The following PDE8A variants were observed in gnomAD, a reference collection of about 807,000 sequenced individuals.
PDE8A encodes high affinity cAMP-specific and IBMX-insensitive 3',5'-cyclic phosphodiesterase 8A.
PDE8A carries 59 observed loss-of-function variants against 105.0 expected under a neutral mutation model. The ratio of observed to expected loss-of-function variants is 0.56; its 90% CI spans 0.46 to 0.70. PDE8A has a LOEUF of 0.70. Among genes scored for constraint, PDE8A ranks in the 30% least tolerant of loss-of-function variants. The pLI is 0.00. For missense variants in PDE8A, 1,014 were observed against 1,045.9 expected (o/e 0.97, Z 0.42); for synonymous variants, 355 against 371.9 (o/e 0.95, Z 0.52).
intron 6 of PDE8A, among the ~76,000 whole-genome samples, chr15:85,087,952 C>A (rs983182364): frequency 6.6e-6 from 1 of 152,018 alleles, no homozygotes; most frequent in Non-Finnish European, 1.5e-5. Flanking sequence ...GTTATTTGAT[C>A]TTATTATTTT....
At chr15:85,104,360 T>C (rs549894905) in intron 11 of PDE8A, among the ~76,000 whole-genome samples, 2 of 152,020 alleles carry the variant, frequency 1.3e-5, no homozygotes, top group Non-Finnish European at 2.9e-5. Flanking sequence ...GCAGCACCCA[T>C]AAAGGCATCG....
chr15:85,016,176 G>C (rs910350624), intron 1 of PDE8A, among the ~76,000 whole-genome samples: 1 of 152,032 alleles, frequency 6.6e-6, no homozygotes, highest in African/African-American at 2.4e-5. Flanking sequence ...AAAATGACTT[G>C]TCATTGCAAA....
At chr15:84,998,837 C>T (rs1725799033) in intron 1 of PDE8A, among the ~76,000 whole-genome samples, 1 of 152,112 alleles carries the variant, frequency 6.6e-6, no homozygotes, top group African/African-American at 2.4e-5. Context: ...AGGGTTAAAA[C>T]CTGTGGGCCA....
At position 85,092,167 on chromosome 15, in the gene PDE8A, C is replaced by G. The variant is rs534933222; in HGVS notation, c.852+986C>G. Among the ~76,000 whole-genome samples, 11 of 152,178 alleles carry G rather than the reference C, an allele frequency of 7.2e-5. No individual in the cohort carries two copies. The South Asian group carries it at 2.3e-3, about 32-fold the overall frequency. On this transcript the variant is annotated intron_variant, in intron 8 of 21. Transcript: ENST00000394553. ...ACCATGAATGGGCCTGTTTTTCTTG[C>G]CTTTCCTATGCCTCTGAGCACACAA... is the stretch of plus-strand genomic sequence containing the variant.
Position 85,126,323 on chromosome 15 carries a change from G to A in PDE8A, c.2202G>A (p.Leu734=). 1 of 1,612,104 alleles carries A rather than the reference G, an allele frequency of 6.2e-7. No individual in the cohort carries two copies. Residue 734 remains leucine (L), a synonymous_variant, in exon 20 of 22, where the codon CTG becomes CTA. Transcript: ENST00000394553. Reference sequence around the variant, plus strand: ...ATGTGTCCAATCCCTGCCGACCCCTGCAGTACTGCATCGAGTGGGCTGCAC... The same window carrying A: ...ATGTGTCCAATCCCTGCCGACCCCTACAGTACTGCATCGAGTGGGCTGCAC... ...CADVSNPCRP[L]QYCIEWAARI...
chr15:85,081,744 G>C (rs527287469), intron 5 of PDE8A, among the ~76,000 whole-genome samples: 1 of 152,226 alleles, frequency 6.6e-6, no homozygotes, highest in Non-Finnish European at 1.5e-5. Flanking sequence ...GTTTAAACAC[G>C]CATAGCAAAA....
intron 1 of PDE8A, among the ~76,000 whole-genome samples, chr15:84,993,246 A>G (rs547757855): frequency 1.3e-5 from 2 of 151,878 alleles, no homozygotes; most frequent in African/African-American, 2.4e-5. Context: ...GATCAAGACC[A>G]TCCTGGCTAA....
At chr15:85,084,685 A>C (rs889164139) in intron 6 of PDE8A, among the ~76,000 whole-genome samples, 1 of 152,238 alleles carries the variant, frequency 6.6e-6, no homozygotes, top group African/African-American at 2.4e-5. Context: ...TAACTGACTT[A>C]CACCCAAGAT....
chr15:85,104,151 C>T lies in PDE8A; in HGVS notation c.1036+3953C>T, dbSNP rs140696731. Among the ~76,000 whole-genome samples the T allele has an allele frequency of 4.4e-3, 674 of 152,318 alleles. 5 individuals are homozygous for T. Among genetic ancestry groups the T allele is most frequent in the Middle Eastern group, 0.014 (4 of 294 alleles). On this transcript the variant is annotated intron_variant, in intron 11 of 21. Transcript: ENST00000394553. ...GTCTATTGACTTGTTCTAGGTCAGG[C>T]CCTGAGCCTGACTGTAAGCATACAG...
chr15:85,109,203 C>A, intron 12 of PDE8A, 73 bp downstream of exon 12: 2 of 998,290 alleles, frequency 2.0e-6, no homozygotes, highest in Non-Finnish European at 1.6e-6. Context: ...CCCTGCCTTG[C>A]CCAGGCTCAT....
At chr15:84,991,606 T>C (rs1371336063) in intron 1 of PDE8A, among the ~76,000 whole-genome samples, 2 of 152,220 alleles carry the variant, frequency 1.3e-5, no homozygotes, top group Non-Finnish European at 2.9e-5. Flanking sequence ...CTAGAAACTC[T>C]TATATATCTT....
At chr15:85,086,559 C>T (rs1001454651) in intron 6 of PDE8A, among the ~76,000 whole-genome samples, 1 of 151,892 alleles carries the variant, frequency 6.6e-6, no homozygotes, top group African/African-American at 2.4e-5. Context: ...TATTAATGGC[C>T]AATAAATGTG....
At chr15:85,040,447 A>T (rs1288143985) in intron 1 of PDE8A, among the ~76,000 whole-genome samples, 4 of 150,226 alleles carry the variant, frequency 2.7e-5, no homozygotes, top group African/African-American at 9.7e-5. Context: ...TTTATTTCTG[A>T]TTATGTACAC....
At chr15:85,070,554 T>C (rs2081296121) in intron 3 of PDE8A, among the ~76,000 whole-genome samples, 1 of 152,096 alleles carries the variant, frequency 6.6e-6, no homozygotes, top group South Asian at 2.1e-4. Flanking sequence ...TCTTAAAGGA[T>C]GAGCAGGAGT....
At chr15:85,087,524 TTAGTAG>T (rs2081574232) in intron 6 of PDE8A, among the ~76,000 whole-genome samples, 1 of 152,186 alleles carries the variant, frequency 6.6e-6, no homozygotes, top group Non-Finnish European at 1.5e-5. Flanking sequence ...TAGAGTTTAC[TTAGTAG>T]TATCTCTGCA....
At chr15:85,066,752 A>T (rs2081235693) in intron 2 of PDE8A, among the ~76,000 whole-genome samples, 2 of 152,124 alleles carry the variant, frequency 1.3e-5, no homozygotes, top group African/African-American at 4.8e-5. Context: ...CAGCCTGGCC[A>T]ACATGGCAAA....
At chr15:84,987,240 T>A (rs937142774) in intron 1 of PDE8A, among the ~76,000 whole-genome samples, 3 of 152,200 alleles carry the variant, frequency 2.0e-5, no homozygotes, top group Non-Finnish European at 4.4e-5. Flanking sequence ...ATAGCATATG[T>A]TTTTTAGTAC....
intron 1 of PDE8A, among the ~76,000 whole-genome samples, chr15:85,015,492 G>GT (rs948029183): frequency 6.6e-6 from 1 of 152,018 alleles, no homozygotes; most frequent in African/African-American, 2.4e-5. Context: ...CATCTTTTTT[G>GT]TTTTTTAATG....
intron 5 of PDE8A, among the ~76,000 whole-genome samples, chr15:85,077,754 AAT>A (rs765130791): frequency 6.6e-6 from 1 of 152,222 alleles, no homozygotes; most frequent in African/African-American, 2.4e-5. Flanking sequence ...TAGGTAAAGA[AAT>A]AAAAGATAAA....
Sources: gnomAD v4.1 joint callset for allele counts (sites outside exome capture counted in the v4.1 genomes callset) on GRCh38, gnomAD v4.1.1 for gene constraint, MANE v1.5 for transcripts, NCBI Gene and HGNC (gene_info 2026-07-23, HGNC 2026-07-21) for gene names.